The following FAF1 variants were observed in gnomAD, a reference collection of about 807,000 sequenced individuals.
The protein encoded by FAF1 is FAS-associated factor 1.
A neutral mutation model predicts 92.5 loss-of-function variants in FAF1; 25 were observed. The ratio of observed to expected loss-of-function variants is 0.27; its 90% CI spans 0.20 to 0.38. The LOEUF is 0.38. Among genes scored for constraint, FAF1 ranks in the 10% least tolerant of loss-of-function variants. The probability of loss-of-function intolerance (pLI) is 1.00; values close to 1 mark genes in which losing one functional copy is unlikely to be tolerated. For missense variants in FAF1, 636 were observed against 793.3 expected, an observed-to-expected ratio of 0.80 and a Z score of 2.38; for synonymous variants, 234 against 273.2, an observed-to-expected ratio of 0.86 and a Z score of 1.42.
chr1:50,750,747 C>G (rs1659829109), intron 4 of FAF1, among the ~76,000 whole-genome samples: 1 of 151,644 alleles, frequency 6.6e-6, no homozygotes, highest in Non-Finnish European at 1.5e-5. Context: ...CCTCTGCCTC[C>G]CGAGTAGCTG....
intron 8 of FAF1, among the ~76,000 whole-genome samples, chr1:50,618,610 C>T (rs1653047340): frequency 6.6e-6 from 1 of 151,936 alleles, no homozygotes; most frequent in South Asian, 2.1e-4. Flanking sequence ...AATCTGGGTG[C>T]TCCAATGCTG....
intron 9 of FAF1, among the ~76,000 whole-genome samples, chr1:50,590,545 T>G (rs1651454283): frequency 6.6e-6 from 1 of 152,246 alleles, no homozygotes; most frequent in African/African-American, 2.4e-5. Flanking sequence ...TTTTTAAAAA[T>G]GTAATCTTTG....
At chr1:50,482,231 A>T (rs1483777049) in intron 17 of FAF1, among the ~76,000 whole-genome samples, 1 of 152,196 alleles carries the variant, frequency 6.6e-6, no homozygotes, top group East Asian at 1.9e-4. Context: ...CATAAATGTT[A>T]CATAAATGAC....
rs1008153553 is a variant in FAF1 at position 50,670,127 on chromosome 1, GAAAAAAA to G, written c.658-14606_658-14600del. ...CAAGAGCAAAACTCCGTCTCAAAAA[GAAAAAAA>G]AAAAAAAAAAAAATTAAACTTTAAA... On this transcript the variant is annotated intron_variant, in intron 7 of 18. Transcript: ENST00000396153. Among the ~76,000 whole-genome samples the G allele has an allele frequency of 5.9e-4, 44 of 74,746 alleles. No homozygotes were observed. The East Asian group carries it at 8.1e-3, about 14-fold the overall frequency. 49.0% of individuals were successfully genotyped at this position (74,746 alleles called of 152,430 possible). A position where few individuals can be genotyped will look rare whatever the true frequency, so the allele number is the denominator to read the frequency against.
At chr1:50,557,767 C>T (rs750525470) in intron 13 of FAF1, among the ~76,000 whole-genome samples, 12 of 151,748 alleles carry the variant, frequency 7.9e-5, no homozygotes, top group Middle Eastern at 3.4e-3. Context: ...AAAGGTCTGC[C>T]GAAATATCAT....
intron 1 of FAF1, among the ~76,000 whole-genome samples, chr1:50,911,707 ATTT>A (rs1322777421): frequency 8.6e-5 from 13 of 150,782 alleles, no homozygotes; most frequent in African/African-American, 3.2e-4. Context: ...CAAAAAAACT[ATTT>A]CTCCCATGAA....
intron 8 of FAF1, among the ~76,000 whole-genome samples, chr1:50,651,934 G>A (rs1050393746): frequency 1.3e-5 from 2 of 152,208 alleles, no homozygotes; most frequent in African/African-American, 4.8e-5. Flanking sequence ...CTAGTTATAA[G>A]CCATTTTTGG....
At chr1:50,898,629 C>A (rs933700822) in intron 1 of FAF1, among the ~76,000 whole-genome samples, 2 of 152,078 alleles carry the variant, frequency 1.3e-5, no homozygotes, top group African/African-American at 4.8e-5. Context: ...GAGAATAGGG[C>A]ATTCTCCAGG....
intron 15 of FAF1, among the ~76,000 whole-genome samples, chr1:50,532,989 A>G (rs1028667165): frequency 6.6e-6 from 1 of 151,900 alleles, no homozygotes; most frequent in African/African-American, 2.4e-5. Flanking sequence ...TGTTTTTAAA[A>G]TTTTTTTGTA....
At chr1:50,684,023 CAGTT>C (rs1656542341) in intron 7 of FAF1, among the ~76,000 whole-genome samples, 1 of 151,648 alleles carries the variant, frequency 6.6e-6, no homozygotes, top group African/African-American at 2.4e-5. Context: ...AAAAATTAAT[CAGTT>C]AGTTACCTCT....
intron 7 of FAF1, among the ~76,000 whole-genome samples, chr1:50,660,476 C>T (rs1655323406): frequency 6.6e-6 from 1 of 151,148 alleles, no homozygotes; most frequent in Admixed American, 6.6e-5. Flanking sequence ...CGGCATACCT[C>T]GAGGCAGAGA....
At chr1:50,574,112 C>T (rs1005105509) in intron 12 of FAF1, among the ~76,000 whole-genome samples, 5 of 152,078 alleles carry the variant, frequency 3.3e-5, no homozygotes, top group African/African-American at 7.2e-5. Flanking sequence ...GGCAACGGGG[C>T]GAGACTCTGT....
intron 9 of FAF1, among the ~76,000 whole-genome samples, chr1:50,593,894 C>G (rs1012446828): frequency 2.6e-5 from 4 of 151,870 alleles, no homozygotes; most frequent in Admixed American, 2.0e-4. Context: ...TAATGGGTGT[C>G]CAAAATATAT....
intron 8 of FAF1, among the ~76,000 whole-genome samples, chr1:50,643,907 T>C (rs892770482): frequency 6.6e-5 from 10 of 152,182 alleles, no homozygotes; most frequent in African/African-American, 2.2e-4. Context: ...CACCCTGCCA[T>C]GATACTTTGT....
chr1:50,702,460 T>C (rs1657513457), intron 7 of FAF1, among the ~76,000 whole-genome samples: 1 of 151,864 alleles, frequency 6.6e-6, no homozygotes, highest in African/African-American at 2.4e-5. Context: ...TATCACAGAG[T>C]TACTGTCACA....
chr1:50,793,689 G>T (rs1661643487), intron 3 of FAF1, among the ~76,000 whole-genome samples: 1 of 152,180 alleles, frequency 6.6e-6, no homozygotes, highest in Non-Finnish European at 1.5e-5. Context: ...ACACAGCAGG[G>T]TAGACTAATA....
chr1:50,758,251 A>G (rs542749449), intron 4 of FAF1, among the ~76,000 whole-genome samples: 2 of 152,184 alleles, frequency 1.3e-5, no homozygotes, highest in African/African-American at 4.8e-5. Context: ...ACAGGGTTTC[A>G]CCATGTTGGC....
intron 7 of FAF1, among the ~76,000 whole-genome samples, chr1:50,704,728 GA>G (rs56907396): frequency 1.3e-5 from 2 of 151,910 alleles, no homozygotes; most frequent in African/African-American, 4.8e-5. Flanking sequence ...AATCAGATCA[GA>G]AAAAAATTTT....
At chr1:50,640,133 GT>G (rs1158553396) in intron 8 of FAF1, among the ~76,000 whole-genome samples, 1 of 151,862 alleles carries the variant, frequency 6.6e-6, no homozygotes, top group African/African-American at 2.4e-5. Context: ...AGCTTTTTGG[GT>G]TTTTTCCCCA....
Sources: allele counts gnomAD v4.1 joint callset (sites outside exome capture counted in the v4.1 genomes callset), GRCh38; gene constraint gnomAD v4.1.1; transcripts MANE v1.5; gene names NCBI Gene and HGNC (gene_info 2026-07-23, HGNC 2026-07-21).